The following MEF2D variants were observed in gnomAD, a reference collection of about 807,000 sequenced individuals.
MEF2D encodes myocyte enhancer factor 2D.
A neutral mutation model predicts 59.3 loss-of-function variants in MEF2D; 10 were observed. That is an observed-to-expected ratio of 0.17 (90% CI 0.10 to 0.29). MEF2D has a LOEUF of 0.29. Ranked by LOEUF, MEF2D falls within the 10% of genes least tolerant of loss-of-function variation. The pLI, the probability that MEF2D is intolerant of heterozygous loss-of-function variation, is 1.00. For missense variants in MEF2D, 508 were observed against 699.4 expected, an observed-to-expected ratio of 0.73 and a Z score of 3.09; for synonymous variants, 305 against 295.0, an observed-to-expected ratio of 1.03 and a Z score of -0.35.
chr1:156,491,985 T>C (rs1163314543), intron 1 of MEF2D, among the ~76,000 whole-genome samples: 1 of 152,210 alleles, frequency 6.6e-6, no homozygotes, highest in Non-Finnish European at 1.5e-5. Context: ...TGATACAGTA[T>C]AGAGCTCTCA....
At chr1:156,500,083 G>A (rs1350683635) in intron 1 of MEF2D, among the ~76,000 whole-genome samples, 1 of 152,092 alleles carries the variant, frequency 6.6e-6, no homozygotes, top group Non-Finnish European at 1.5e-5. Context: ...AGGGAGGGAG[G>A]GCCGGCTGTT....
At chr1:156,500,043 G>A (rs748647021) in intron 1 of MEF2D, among the ~76,000 whole-genome samples, 2 of 152,102 alleles carry the variant, frequency 1.3e-5, no homozygotes, top group Non-Finnish European at 1.5e-5. Flanking sequence ...TCGGGCCAAG[G>A]AGGAGGGAAC....
intron 1 of MEF2D, among the ~76,000 whole-genome samples, chr1:156,498,297 G>C (rs1460459934): frequency 6.6e-6 from 1 of 151,932 alleles, no homozygotes; most frequent in Admixed American, 6.6e-5. Flanking sequence ...ACCCCTCCAA[G>C]TCCTCCACCA....
Position 156,475,136 on chromosome 1 carries a change from G to C in MEF2D, c.978C>G (p.Phe326Leu). 1 of 1,614,248 alleles carries C rather than the reference G, an allele frequency of 6.2e-7. No homozygotes were observed. Among genetic ancestry groups the C allele is most frequent in the Non-Finnish European group, 8.5e-7 (1 of 1,180,036 alleles). Residue 326 changes from phenylalanine (F) to leucine (L), a missense_variant, in exon 9 of 12, where the codon TTC becomes TTG. Phe to Leu is a conservative substitution (Grantham distance 22). This residue lies in a region of MEF2D where 481 missense variants were observed against 584.7 expected (regional missense o/e 0.82). Coordinates refer to ENST00000348159, the MANE Select transcript of MEF2D (RefSeq NM_005920.4). ...TGTTGTAGGCAGTGGGCATGGAAGA[G>C]AAGGGGAGGCCCTGGCTGAGTAAAC... ...TPSLLSQGLP[F>L]SSMPTAYNTD... is the part of the protein sequence containing the mutation.
At chr1:156,493,736 A>G (rs759187357) in intron 1 of MEF2D, among the ~76,000 whole-genome samples, 13 of 152,084 alleles carry the variant, frequency 8.5e-5, no homozygotes, top group Non-Finnish European at 1.8e-4. Context: ...TTTCCTTGCC[A>G]TTACTATGAT....
Position 156,480,974 on chromosome 1 carries a change from G to A in MEF2D, c.259-3C>T. On this transcript the variant is annotated splice_region_variant and splice_polypyrimidine_tract_variant and intron_variant, in intron 3 of 11. Coordinates refer to ENST00000348159, the MANE Select transcript of MEF2D (RefSeq NM_005920.4). ...TTGAAGCCCTTCTTCCTCAGGGTCT[G>A]TAACCGCACCACTGCCATCAGCTGG... The A allele has an allele frequency of 6.2e-7, 1 of 1,611,750 alleles. No individual in the cohort carries two copies. The highest frequency in any genetic ancestry group is 8.5e-7 in the Non-Finnish European group (1 of 1,179,918).
chr1:156,489,604 A>T (rs959168316), intron 1 of MEF2D, among the ~76,000 whole-genome samples: 1 of 151,906 alleles, frequency 6.6e-6, no homozygotes, highest in Non-Finnish European at 1.5e-5. Context: ...GGCTTCCAGG[A>T]CTGACTCCTG....
intron 9 of MEF2D, among the ~76,000 whole-genome samples, chr1:156,474,117 G>A (rs1049544600): frequency 6.6e-6 from 1 of 152,194 alleles, no homozygotes; most frequent in Non-Finnish European, 1.5e-5. Flanking sequence ...TCCTCAGGCT[G>A]CAGGCTTTCT....
chr1:156,484,305 G>A (rs1672205443), intron 1 of MEF2D: 1 of 152,226 alleles, frequency 6.6e-6, no homozygotes, highest in Non-Finnish European at 1.5e-5. Flanking sequence ...GGGCCAGATA[G>A]TAATATTTCA....
At chr1:156,472,705 C>T (rs941028237) in intron 9 of MEF2D, among the ~76,000 whole-genome samples, 3 of 151,176 alleles carry the variant, frequency 2.0e-5, no homozygotes, top group Admixed American at 1.3e-4. Context: ...TGTGCCACCA[C>T]GCCCGGCTAA....
rs1387867134 is a variant in MEF2D, at chr1:156,467,853, G to A, written c.1554+140C>T. ...CTTTGGCAGGGGTGAAGGGGTGTTG[G>A]TGCTGCCCTAGAAGGGCTGGCGGAA... is the stretch of plus-strand genomic sequence containing the variant. On this transcript the variant is annotated intron_variant, in intron 11 of 11. Coordinates refer to ENST00000348159, the MANE Select transcript of MEF2D (RefSeq NM_005920.4). 5 of 1,182,548 alleles carry A rather than the reference G, an allele frequency of 4.2e-6. 1 individual carries two copies. Among genetic ancestry groups the A allele is most frequent in the East Asian group, 2.4e-5 (1 of 40,996 alleles). 73.3% of individuals were successfully genotyped at this position (1,182,548 alleles called of 1,614,324 possible).
chr1:156,475,671 C>A lies in MEF2D; in HGVS notation c.877-434G>T, dbSNP rs577226198. Reference sequence around the variant, plus strand: ...GGGCCTGGCGTGGCGTGTGCCTGCGCGTATGCACACACGTGTGTGGGGCTG... The same window carrying A: ...GGGCCTGGCGTGGCGTGTGCCTGCGAGTATGCACACACGTGTGTGGGGCTG... On this transcript the variant is annotated intron_variant, in intron 8 of 11. Coordinates refer to ENST00000348159, the MANE Select transcript of MEF2D (RefSeq NM_005920.4). Among the ~76,000 whole-genome samples the A allele has an allele frequency of 5.9e-5, 9 of 152,326 alleles. No homozygotes were observed. In the East Asian group the frequency reaches 1.7e-3, roughly 29 times the overall value.
chr1:156,485,622 C>T (rs1415558180), intron 1 of MEF2D, among the ~76,000 whole-genome samples: 1 of 149,794 alleles, frequency 6.7e-6, no homozygotes, highest in Non-Finnish European at 1.5e-5. Flanking sequence ...ACTGCAGCTT[C>T]AACCTTCCAG....
chr1:156,482,006 A>G (rs1206752692), intron 3 of MEF2D, among the ~76,000 whole-genome samples: 1 of 152,260 alleles, frequency 6.6e-6, no homozygotes, highest in Non-Finnish European at 1.5e-5. Context: ...CCGGGCCCAC[A>G]AACAGACAGA....
chr1:156,479,629 C>G lies in MEF2D; in HGVS notation c.564G>C (p.Arg188Ser). Residue 188 changes from arginine to serine, a missense_variant, in exon 5 of 12, where the codon AGG becomes AGC. Around this residue, in one of 2 missense-constraint regions of MEF2D, gnomAD observed 481 missense variants for 584.7 expected, o/e 0.82. Transcript: ENST00000348159. Reference sequence around the variant, plus strand: ...GGGGCAGGCCAGGAGACACACTGTTCCTCTGTAGTGCTGGCTGCTGGGGGG... The same window carrying G: ...GGGGCAGGCCAGGAGACACACTGTTGCTCTGTAGTGCTGGCTGCTGGGGGG... ...LLSPQQPALQ[R>S]NSVSPGLPQR... 3 of 1,553,112 alleles carry G rather than the reference C, an allele frequency of 1.9e-6. No homozygotes were observed. The highest frequency in any genetic ancestry group is 2.6e-6 in the Non-Finnish European group (3 of 1,147,906).
At position 156,500,703 on chromosome 1, in the gene MEF2D, C is replaced by A. The variant is rs1253761355; in HGVS notation, c.-356G>T. The A allele has an allele frequency of 2.0e-5, 3 of 152,070 alleles. No individual in the cohort carries two copies. The highest frequency in any genetic ancestry group is 7.2e-5 in the African/African-American group (3 of 41,416). The allele number at this position is 152,070 out of a possible 1,614,324, so 9.4% of individuals were successfully genotyped here. ...GCGGCAGGCAAGCGGGGAACCGGGG[C>A]CGAGCGCCTGAGCCGCCTCGGCTGT... On this transcript the variant is annotated 5_prime_UTR_variant, in exon 1 of 12. Transcript: ENST00000348159.
chr1:156,485,813 G>A (rs1228337332), intron 1 of MEF2D, among the ~76,000 whole-genome samples: 1 of 151,312 alleles, frequency 6.6e-6, no homozygotes, highest in African/African-American at 2.4e-5. Flanking sequence ...GGGACCATGA[G>A]TGTGTACCAC....
In MEF2D at chr1:156,468,116, G is replaced by A. The variant is rs1417301638; in HGVS notation, c.1431C>T (p.Ser477=). The A allele has an allele frequency of 6.2e-7, 1 of 1,614,028 alleles. No homozygotes were observed. Among genetic ancestry groups the A allele is most frequent in the East Asian group, 2.2e-5 (1 of 44,860 alleles). Residue 477 remains serine (S), a synonymous_variant, in exon 11 of 12, where the codon TCC becomes TCT. Transcript: ENST00000348159. The surrounding 1 kb of genome is among the most constrained non-coding windows in gnomAD (Gnocchi z 4.3). Reference sequence around the variant, plus strand: ...CGTCATCCCGGTCTCCCGTCTCATAGGATCCCCCGGCTGGGCTGCTGAGAC... The same window carrying A: ...CGTCATCCCGGTCTCCCGTCTCATAAGATCCCCCGGCTGGGCTGCTGAGAC... ...GDGLSSPAGG[S]YETGDRDDGR...
chr1:156,490,531 G>C (rs544032243), intron 1 of MEF2D: 1 of 152,578 alleles, frequency 6.6e-6, no homozygotes, highest in South Asian at 2.1e-4. Context: ...ACCTGGGGGC[G>C]GGCTGTTGGT....
Sources: gnomAD v4.1 joint callset for allele counts (sites outside exome capture counted in the v4.1 genomes callset) on GRCh38, gnomAD v4.1.1 for gene constraint, gnomAD v4.1.1 regional missense constraint, Gnocchi (gnomAD v3.1) non-coding constraint, MANE v1.5 for transcripts, NCBI Gene and HGNC (gene_info 2026-07-23, HGNC 2026-07-21) for gene names.